NPAS3: variants seen among roughly 807,000 people sequenced by gnomAD.
NPAS3 encodes neuronal PAS domain-containing protein 3.
NPAS3 carries 14 observed loss-of-function variants against 73.1 expected under a neutral mutation model. The ratio of observed to expected loss-of-function variants is 0.19; its 90% CI spans 0.13 to 0.30. NPAS3 has a LOEUF of 0.30. Ranked by LOEUF, NPAS3 falls within the 10% of genes least tolerant of loss-of-function variation. The pLI is 1.00. For missense variants in NPAS3, 1,096 were observed against 1,250.0 expected (o/e 0.88, Z 1.86); for synonymous variants, 620 against 541.5 (o/e 1.14, Z -2.01).
At chr14:33,739,182 T>C (rs1566486270) in intron 7 of NPAS3, among the ~76,000 whole-genome samples, 1 of 152,144 alleles carries the variant, frequency 6.6e-6, no homozygotes, top group African/African-American at 2.4e-5. Flanking sequence ...TTCACAGTGG[T>C]GAAATCTTCA....
intron 2 of NPAS3, among the ~76,000 whole-genome samples, chr14:33,134,683 C>G (rs189511208): frequency 6.6e-6 from 1 of 152,126 alleles, no homozygotes; most frequent in Non-Finnish European, 1.5e-5. Context: ...AAGTGGGCAA[C>G]AAGATGGACC....
intron 9 of NPAS3, among the ~76,000 whole-genome samples, chr14:33,784,743 T>TTTTTTTTG: frequency 9.6e-6 from 1 of 103,666 alleles, no homozygotes; most frequent in African/African-American, 5.4e-5. Flanking sequence ...ATTTATTTAT[T>TTTTTTTTG]TATTTTTTTT....
chr14:33,746,350 G>A (rs898746661), intron 7 of NPAS3, among the ~76,000 whole-genome samples: 2 of 151,554 alleles, frequency 1.3e-5, no homozygotes, highest in East Asian at 1.9e-4. Flanking sequence ...CACCATGCCC[G>A]GCTAGTTTTT....
chr14:32,977,191 T>A (rs558043109), intron 1 of NPAS3, among the ~76,000 whole-genome samples: 2 of 152,140 alleles, frequency 1.3e-5, no homozygotes, highest in African/African-American at 4.8e-5. Context: ...ACTTTCATTT[T>A]CCGTATTTTG....
intron 2 of NPAS3, among the ~76,000 whole-genome samples, chr14:33,162,935 A>G (rs1253277100): frequency 6.6e-6 from 1 of 152,214 alleles, no homozygotes; most frequent in Non-Finnish European, 1.5e-5. Context: ...ACTGGCTGCT[A>G]TGTACTCAAC....
chr14:33,621,698 CT>C, intron 5 of NPAS3, among the ~76,000 whole-genome samples: 1 of 152,172 alleles, frequency 6.6e-6, no homozygotes, highest in Admixed American at 6.5e-5. Context: ...ACCTGGATAA[CT>C]CACAAATTAG....
chr14:33,123,872 T>C (rs942300543), intron 2 of NPAS3, among the ~76,000 whole-genome samples: 1 of 149,774 alleles, frequency 6.7e-6, no homozygotes, highest in East Asian at 1.9e-4. Flanking sequence ...TTTTTTTTTT[T>C]TTTTTTTGAG....
chr14:33,747,929 T>G (rs1372087163), intron 7 of NPAS3, among the ~76,000 whole-genome samples: 1 of 152,170 alleles, frequency 6.6e-6, no homozygotes, highest in East Asian at 1.9e-4. Flanking sequence ...GTGTTCCTTC[T>G]GCACCCCATC....
chr14:33,324,336 C>T (rs975139947), intron 3 of NPAS3, among the ~76,000 whole-genome samples: 21 of 152,124 alleles, frequency 1.4e-4, no homozygotes, highest in Admixed American at 1.1e-3. Flanking sequence ...CAGTCGGGGA[C>T]CTTCTTGCCA....
chr14:33,401,392 T>C (rs376150954), intron 4 of NPAS3, among the ~76,000 whole-genome samples: 5 of 152,222 alleles, frequency 3.3e-5, no homozygotes, highest in East Asian at 3.9e-4. Context: ...TTCCAGGACA[T>C]TGGATTTTGT....
Position 33,131,025 on chromosome 14 carries a change from C to T in NPAS3, c.140+75031C>T, listed in dbSNP as rs143890757. ...AGAGAAGTTTCAAACCATCCATGCTCACCATTCAGCTGGGCTTTATTATCT... is the reference window on the plus strand; with the variant it reads ...AGAGAAGTTTCAAACCATCCATGCTTACCATTCAGCTGGGCTTTATTATCT... On this transcript the variant is annotated intron_variant, in intron 2 of 11. Coordinates refer to ENST00000356141, the Ensembl canonical transcript of NPAS3. Among the ~76,000 whole-genome samples the T allele has an allele frequency of 1.4e-3, 212 of 152,252 alleles. 2 individuals are homozygous for T. The East Asian group carries it at 0.03, about 22-fold the overall frequency.
chr14:33,395,702 T>C (rs959676761), intron 4 of NPAS3, among the ~76,000 whole-genome samples: 1 of 152,192 alleles, frequency 6.6e-6, no homozygotes, highest in Non-Finnish European at 1.5e-5. Context: ...GCTCCCTCCT[T>C]GTTCTGTCAG....
chr14:33,630,069 T>A (rs1381539534), intron 5 of NPAS3, among the ~76,000 whole-genome samples: 1 of 152,208 alleles, frequency 6.6e-6, no homozygotes, highest in East Asian at 1.9e-4. Context: ...TGCCTGGCCT[T>A]TCTTTATTCT....
chr14:33,695,547 T>C (rs899530244), intron 6 of NPAS3, among the ~76,000 whole-genome samples: 1 of 152,204 alleles, frequency 6.6e-6, no homozygotes, highest in African/African-American at 2.4e-5. Context: ...ATTTAAACTG[T>C]GGAATGCAGT....
At chr14:33,574,801 C>CT (rs1346988150) in intron 5 of NPAS3, among the ~76,000 whole-genome samples, 2 of 152,138 alleles carry the variant, frequency 1.3e-5, no homozygotes, top group Non-Finnish European at 2.9e-5. Context: ...AGGGTTATCT[C>CT]TTCCTCTTCT....
At chr14:33,641,217 A>G (rs963904041) in intron 5 of NPAS3, among the ~76,000 whole-genome samples, 3 of 152,202 alleles carry the variant, frequency 2.0e-5, no homozygotes, top group Non-Finnish European at 4.4e-5. Flanking sequence ...GGAGCATGGA[A>G]GATTTCAGCC....
At chr14:33,756,885 C>T (rs2209623) in intron 7 of NPAS3, among the ~76,000 whole-genome samples, 30,456 of 151,942 alleles carry the variant, frequency 0.2, 3,305 homozygotes, top group African/African-American at 0.25. Flanking sequence ...ATTGGGTAGC[C>T]GAGACAAAAG....
chr14:33,411,131 A>G (rs1275985544), intron 4 of NPAS3, among the ~76,000 whole-genome samples: 1 of 152,150 alleles, frequency 6.6e-6, no homozygotes, highest in South Asian at 2.1e-4. Context: ...TTGTTTCTCA[A>G]ACAGGGACTG....
At chr14:33,654,233 T>C (rs1167691044) in intron 5 of NPAS3, among the ~76,000 whole-genome samples, 1 of 152,120 alleles carries the variant, frequency 6.6e-6, no homozygotes, top group African/African-American at 2.4e-5. Context: ...ATCTAATCAA[T>C]CAATTAATCT....
Sources: allele counts gnomAD v4.1 joint callset (sites outside exome capture counted in the v4.1 genomes callset), GRCh38; gene constraint gnomAD v4.1.1; transcripts MANE v1.5; gene names NCBI Gene and HGNC (gene_info 2026-07-23, HGNC 2026-07-21).